Variants in FADS1 observed in about 807,000 individuals in gnomAD.
FADS1 encodes acyl-CoA (8-3)-desaturase.
A neutral mutation model predicts 61.6 loss-of-function variants in FADS1; 17 were observed. The ratio of observed to expected loss-of-function variants is 0.28; its 90% confidence interval spans 0.19 to 0.41. FADS1 has a LOEUF of 0.41. Ranked by LOEUF, FADS1 falls within the 10% of genes least tolerant of loss-of-function variation. The pLI is 1.00. For missense variants in FADS1, 387 were observed against 650.9 expected, an observed-to-expected ratio of 0.59 and a Z score of 4.41; for synonymous variants, 238 against 258.7, an observed-to-expected ratio of 0.92 and a Z score of 0.77.
chr11:61,807,718 G>C (rs1417357640), intron 5 of FADS1, among the ~76,000 whole-genome samples: 1 of 152,140 alleles, frequency 6.6e-6, no homozygotes, highest in African/African-American at 2.4e-5. Flanking sequence ...GCAAAGTTCT[G>C]CTGTCTCACT....
At chr11:61,806,430 CTG>C (rs1208566456) in intron 6 of FADS1, 13 of 529,926 alleles carry the variant, frequency 2.5e-5, no homozygotes, top group African/African-American at 7.6e-5. Flanking sequence ...CCAGTGGAAA[CTG>C]GGGTTGGATG....
chr11:61,811,916 A>G (rs1306472716), intron 3 of FADS1: 2 of 423,990 alleles, frequency 4.7e-6, no homozygotes, highest in African/African-American at 4.1e-5. Context: ...AGGTTTCACC[A>G]CGTTGGCCAG....
chr11:61,810,613 T>C, intron 5 of FADS1, 138 bp downstream of exon 5: 1 of 1,102,300 alleles, frequency 9.1e-7, no homozygotes, highest in South Asian at 1.5e-5. Context: ...CTTCCAGAAC[T>C]TCCAAAATGG....
chr11:61,813,583 G>A (rs962046509), intron 1 of FADS1: 1 of 543,066 alleles, frequency 1.8e-6, no homozygotes, highest in South Asian at 2.5e-5. Context: ...AGGTAAAATG[G>A]ACCAATCAGC....
chr11:61,805,972 A>G (rs1248800656), intron 6 of FADS1: 1 of 152,438 alleles, frequency 6.6e-6, no homozygotes, highest in African/African-American at 2.4e-5. Context: ...TTCCAGAACT[A>G]TCTGTACCTT....
intron 5 of FADS1, among the ~76,000 whole-genome samples, chr11:61,808,398 C>G (rs887846306): frequency 1.3e-5 from 2 of 151,806 alleles, no homozygotes; most frequent in African/African-American, 4.8e-5. Context: ...AGCTATGAGG[C>G]TGAGGATGGG....
rs990400430 is a variant in FADS1, at chr11:61,800,495, A to G, written c.*1916T>C. 28 of 152,104 alleles carry G rather than the reference A, an allele frequency of 1.8e-4. No homozygotes were observed. Among genetic ancestry groups the G allele is most frequent in the African/African-American group, 6.8e-4 (28 of 41,376 alleles). 9.4% of individuals were successfully genotyped at this position (152,104 alleles called of 1,614,324 possible). ...TGTGTTGACAAACCTCTAATCTTCC[A>G]TGTCTTTGTGTTGACAAACCTAACC... On this transcript the variant is annotated 3_prime_UTR_variant, in exon 12 of 12. Coordinates refer to ENST00000350997, the MANE Select transcript of FADS1 (RefSeq NM_013402.7).
In FADS1 at chr11:61,808,561, C is replaced by T. The variant is rs2066910969; in HGVS notation, c.916-1837G>A. Among the ~76,000 whole-genome samples, 10 of 152,248 alleles carry T rather than the reference C, an allele frequency of 6.6e-5. No individual in the cohort carries two copies. The South Asian group carries it at 1.7e-3, about 25-fold the overall frequency. Reference sequence around the variant, plus strand: ...AGGGGACACTGCCCTAAATAGAACCCTTCTGACCACCAAGGGTCTAAACAT... The same window carrying T: ...AGGGGACACTGCCCTAAATAGAACCTTTCTGACCACCAAGGGTCTAAACAT... On this transcript the variant is annotated intron_variant, in intron 5 of 11. Coordinates refer to ENST00000350997, the MANE Select transcript of FADS1 (RefSeq NM_013402.7).
intron 1 of FADS1, 78 bp from the exon 2 acceptor site, chr11:61,813,431 C>A: frequency 1.2e-6 from 1 of 804,446 alleles, no homozygotes; most frequent in South Asian, 1.5e-5. Flanking sequence ...AAAGGCCATC[C>A]TCCTGCCCGC....
Position 61,816,256 on chromosome 11 carries a change from A to C in FADS1, c.375+299T>G. On this transcript the variant is annotated intron_variant, in intron 1 of 11. Transcript: ENST00000350997. This position sits in a 1 kb window ranked among gnomAD's most constrained non-coding sequence, Gnocchi z 7.0. Reference sequence around the variant, plus strand: ...CCAGCTCGGGGTTCTGTCCCCGCCCAGAGACCTGAGGCTCGGGGCTGCAGA... The same window carrying C: ...CCAGCTCGGGGTTCTGTCCCCGCCCCGAGACCTGAGGCTCGGGGCTGCAGA... The C allele has an allele frequency of 6.3e-7, 1 of 1,597,602 alleles. No homozygotes were observed. The highest frequency in any genetic ancestry group is 8.5e-7 in the Non-Finnish European group (1 of 1,179,366).
intron 4 of FADS1, 21 bp from the exon 5 acceptor site, chr11:61,810,900 G>A (rs201184996): frequency 2.1e-5 from 34 of 1,614,128 alleles, no homozygotes; most frequent in African/African-American, 1.3e-4. Context: ...GCAGGGACAC[G>A]AGTATGAAAA....
Position 61,811,049 on chromosome 11 carries a change from G to A in FADS1, c.711C>T (p.Asp237=). 8 of 1,613,708 alleles carry A rather than the reference G, an allele frequency of 5.0e-6. No individual in the cohort carries two copies. In the South Asian group the frequency reaches 5.5e-5, roughly 11 times the overall value. The change falls in exon 4 of 12, where the codon GAC becomes GAT. Residue 237 remains aspartate, a synonymous_variant. Transcript: ENST00000350997. The part of the protein sequence containing the change: ...VQAQAGWLQH[D]FGHLSVFSTS... ...TGCTGAAGACCGACAGGTGCCCAAA[G>A]TCATGCTGCAGCCAGCCAGCCTGGG...
intron 3 of FADS1, chr11:61,811,734 C>T: frequency 3.2e-6 from 1 of 314,188 alleles, no homozygotes; most frequent in Non-Finnish European, 6.4e-6. Flanking sequence ...GGATTACAGG[C>T]ACCCACCACC....
chr11:61,810,756 C>G lies in FADS1; in HGVS notation c.910G>C (p.Val304Leu). The part of the protein sequence containing the change: ...FFFALGKILS[V>L]ELGKQKKKYM... Reference sequence around the variant, plus strand: ...CCACTGATACCTCCACGCACCTCCACAGAGAGGATCTTCCCCAAGGCAAAG... The same window carrying G: ...CCACTGATACCTCCACGCACCTCCAGAGAGAGGATCTTCCCCAAGGCAAAG... Residue 304 changes from valine (V) to leucine (L), a missense_variant, in exon 5 of 12, where the codon GTG becomes CTG. By Grantham distance (32) the Val-to-Leu change is conservative. Transcript: ENST00000350997. 1 of 1,614,174 alleles carries G rather than the reference C, an allele frequency of 6.2e-7. No individual in the cohort carries two copies. Among genetic ancestry groups the G allele is most frequent in the Non-Finnish European group, 8.5e-7 (1 of 1,180,042 alleles).
chr11:61,811,884 G>T (rs560882346), intron 3 of FADS1: 31 of 441,586 alleles, frequency 7.0e-5, no homozygotes, highest in South Asian at 5.0e-4. Context: ...CACTGTGCCT[G>T]GCCTTTTTGT....
Position 61,803,598 on chromosome 11 carries a change from G to A in FADS1, c.1151+72C>T, listed in dbSNP as rs1029899240. 27 of 1,412,184 alleles carry A rather than the reference G, an allele frequency of 1.9e-5. No homozygotes were observed. Among genetic ancestry groups the A allele is most frequent in the South Asian group, 9.2e-5 (8 of 86,984 alleles). The allele number at this position is 1,412,184 out of a possible 1,614,324, so 87.5% of individuals were successfully genotyped here. On this transcript the variant is annotated intron_variant, in intron 8 of 11. Coordinates refer to ENST00000350997, the MANE Select transcript of FADS1 (RefSeq NM_013402.7). This position sits in a 1 kb window ranked among gnomAD's most constrained non-coding sequence, Gnocchi z 4.3. ...CCACTGTTACCCAAAGCCCCAGCAC[G>A]GCCCCTAGACCAGACTGGTCACTCC... is the stretch of plus-strand genomic sequence containing the variant.
intron 6 of FADS1, 137 bp from the exon 7 acceptor site, chr11:61,804,898 G>T: frequency 1.4e-6 from 1 of 726,540 alleles, no homozygotes; most frequent in South Asian, 1.6e-5. Context: ...CCAGGTGCTT[G>T]AGTGCTCTGC....
At chr11:61,812,926 C>T (rs2066941644) in intron 2 of FADS1, among the ~76,000 whole-genome samples, 1 of 152,210 alleles carries the variant, frequency 6.6e-6, no homozygotes, top group Admixed American at 6.5e-5. Flanking sequence ...CTCCCTGAGC[C>T]TGTTATCTCA....
At chr11:61,812,802 A>T (rs1178071380) in intron 2 of FADS1, 134 bp from the exon 3 acceptor site, 1 of 724,364 alleles carries the variant, frequency 1.4e-6, no homozygotes, top group African/African-American at 1.8e-5. Flanking sequence ...CAAAGATACC[A>T]CGACAATGAG....
Sources: allele counts gnomAD v4.1 joint callset (sites outside exome capture counted in the v4.1 genomes callset), GRCh38; gene constraint gnomAD v4.1.1; non-coding constraint Gnocchi (gnomAD v3.1); transcripts MANE v1.5; gene names NCBI Gene and HGNC (gene_info 2026-07-23, HGNC 2026-07-21).